The following TNFRSF13B variants were observed in gnomAD, a reference collection of about 807,000 sequenced individuals.
TNFRSF13B encodes the protein tumor necrosis factor receptor superfamily member 13B.
TNFRSF13B carries 34 observed loss-of-function variants against 24.0 expected under a neutral mutation model. The ratio of observed to expected loss-of-function variants is 1.41; its 90% CI spans 1.08 to 1.88. The LOEUF is 1.88. TNFRSF13B is among the 40% of genes most tolerant of loss of function. The probability of loss-of-function intolerance (pLI) is 0.00; values close to 1 mark genes in which losing one functional copy is unlikely to be tolerated. For synonymous variants in TNFRSF13B, 173 were observed against 150.3 expected (o/e 1.15, Z -1.10); for missense variants, 415 against 380.8 (o/e 1.09, Z -0.75).
intron 1 of TNFRSF13B, among the ~76,000 whole-genome samples, chr17:16,970,733 G>A (rs2087737918): frequency 6.6e-6 from 1 of 152,234 alleles, no homozygotes; most frequent in Admixed American, 6.5e-5. Flanking sequence ...CCAGGTCACA[G>A]TTCTAGCTGG....
chr17:16,945,244 T>C (rs2087539462), intron 3 of TNFRSF13B, among the ~76,000 whole-genome samples: 4 of 152,164 alleles, frequency 2.6e-5, no homozygotes, highest in Admixed American at 2.6e-4. Context: ...AGCCTTGGGC[T>C]CCATCCCTGG....
rs192224556 is a variant in TNFRSF13B at position 16,970,349 on chromosome 17, C to T, written c.61+1666G>A. On this transcript the variant is annotated intron_variant, in intron 1 of 4. Transcript: ENST00000261652. ...TGCAGGATGGAGACTCTCTCCTGCA[C>T]CCCGAGACCAGAGAGCAGCCAAGGA... Among the ~76,000 whole-genome samples the T allele has an allele frequency of 8.0e-3, 1,215 of 152,204 alleles. 21 individuals carry two copies. Among genetic ancestry groups the T allele is most frequent in the African/African-American group, 0.028 (1,174 of 41,436 alleles).
chr17:16,970,696 G>A (rs1266832856), intron 1 of TNFRSF13B, among the ~76,000 whole-genome samples: 2 of 152,162 alleles, frequency 1.3e-5, no homozygotes, highest in African/African-American at 2.4e-5. Context: ...GGGCTGATTC[G>A]GCAGCACCAG....
chr17:16,944,923 T>C (rs2087536762), intron 3 of TNFRSF13B, among the ~76,000 whole-genome samples: 1 of 152,118 alleles, frequency 6.6e-6, no homozygotes, highest in African/African-American at 2.4e-5. Flanking sequence ...TGTCCTCTGC[T>C]CTCTGCCCTT....
chr17:16,939,394 T>C lies in TNFRSF13B; in HGVS notation c.*153A>G. On this transcript the variant is annotated 3_prime_UTR_variant, in exon 5 of 5. Transcript: ENST00000261652. ...CTTCCCCTCTGTCTCTCTCTCCCTC[T>C]GTCTCTCTCTCCCTCTCTGTCTCCT... 9 of 902,522 alleles carry C rather than the reference T, an allele frequency of 1.0e-5. No homozygotes were observed. The highest frequency in any genetic ancestry group is 1.4e-5 in the Non-Finnish European group (9 of 624,118). 55.9% of individuals were successfully genotyped at this position (902,522 alleles called of 1,614,324 possible).
intron 1 of TNFRSF13B, among the ~76,000 whole-genome samples, chr17:16,956,923 T>G (rs1457745406): frequency 6.6e-6 from 1 of 152,154 alleles, no homozygotes; most frequent in Admixed American, 6.5e-5. Context: ...TGCAAGATAC[T>G]CCGATGGTGG....
At chr17:16,961,602 G>A (rs902294827) in intron 1 of TNFRSF13B, among the ~76,000 whole-genome samples, 40 of 152,088 alleles carry the variant, frequency 2.6e-4, no homozygotes, top group African/African-American at 9.7e-4. Context: ...TGATTAATGG[G>A]GTACAGAATT....
chr17:16,944,866 C>T (rs2087536350), intron 3 of TNFRSF13B, among the ~76,000 whole-genome samples: 1 of 152,142 alleles, frequency 6.6e-6, no homozygotes, highest in South Asian at 2.1e-4. Context: ...GGGCAGAGAA[C>T]AGGTGAGCCC....
intron 1 of TNFRSF13B, among the ~76,000 whole-genome samples, chr17:16,956,125 G>A (rs1491004050): frequency 3.3e-5 from 5 of 152,342 alleles, no homozygotes; most frequent in Non-Finnish European, 5.9e-5. Flanking sequence ...GTTGACTGCA[G>A]AGATAAAAGA....
At chr17:16,945,981 G>A (rs1269789317) in intron 3 of TNFRSF13B, among the ~76,000 whole-genome samples, 2 of 152,198 alleles carry the variant, frequency 1.3e-5, no homozygotes, top group African/African-American at 4.8e-5. Context: ...TGAGATGGAC[G>A]CACCTGGCCA....
At chr17:16,940,678 G>A (rs17793572) in intron 3 of TNFRSF13B, 167 bp from the exon 4 acceptor site, 368,264 of 1,474,302 alleles carry the variant, frequency 0.25, 47,772 homozygotes, top group Middle Eastern at 0.29. Context: ...CTGGATCCTG[G>A]AGGAAGTTGA....
chr17:16,939,707 G>C lies in TNFRSF13B; in HGVS notation c.722C>G (p.Thr241Arg). 6.2e-7 allele frequency: 1 copy of C among 1,606,984 alleles called. No individual in the cohort carries two copies. Among genetic ancestry groups the C allele is most frequent in the Non-Finnish European group, 8.5e-7 (1 of 1,175,050 alleles). Residue 241 changes from threonine (T) to arginine (R), a missense_variant, in exon 5 of 5, where the codon ACG becomes AGG. Transcript: ENST00000261652. ...CCCAGGCGTGACTGCGCTCTCCTGCGTGGGCGCCCTGCACTCAGGGAAGCA... is the reference window on the plus strand; with the variant it reads ...CCCAGGCGTGACTGCGCTCTCCTGCCTGGGCGCCCTGCACTCAGGGAAGCA... ...SFCFPECRAP[T>R]QESAVTPGTP...
intron 3 of TNFRSF13B, among the ~76,000 whole-genome samples, chr17:16,942,928 G>A (rs2087522069): frequency 6.6e-6 from 1 of 152,222 alleles, no homozygotes; most frequent in Non-Finnish European, 1.5e-5. Flanking sequence ...TGCCACTCCA[G>A]GCCTCTGCCT....
At position 16,971,864 on chromosome 17, in the gene TNFRSF13B, T is replaced by TG. The variant is rs1257069408; in HGVS notation, c.61+150dup. On this transcript the variant is annotated intron_variant, in intron 1 of 4. Transcript: ENST00000261652. ...AGGCATCCAGACTCGGGGCTCTCCA[T>TG]GTGCAGGAGCTTGGGGAGGCTGGGA... 9.1e-6 allele frequency: 7 copies of TG among 769,794 alleles called. No individual in the cohort carries two copies. The East Asian group carries it at 1.9e-4, about 20-fold the overall frequency. The allele number at this position is 769,794 out of a possible 1,614,324, so 47.7% of individuals were successfully genotyped here.
rs145002378 is a variant in TNFRSF13B at position 16,952,454 on chromosome 17, G to C, written c.191C>G (p.Ala64Gly). 11 of 1,613,942 alleles carry C rather than the reference G, an allele frequency of 6.8e-6. No individual in the cohort carries two copies. Among genetic ancestry groups the C allele is most frequent in the East Asian group, 2.2e-5 (1 of 44,902 alleles). ...CNHQSQRTCA[A>G]FCRSLSCRKE... ...CAGGCCCCAGAACTCACTGCAGAAG[G>C]CTGCACAGGTGCGCTGGCTCTGATG... Residue 64 changes from alanine (A) to glycine (G), a missense_variant, in exon 2 of 5, where the codon GCC becomes GGC. Coordinates refer to ENST00000261652, the MANE Select transcript of TNFRSF13B (RefSeq NM_012452.3).
intron 2 of TNFRSF13B, among the ~76,000 whole-genome samples, chr17:16,952,159 A>C (rs576138136): frequency 6.6e-6 from 1 of 152,278 alleles, no homozygotes; most frequent in East Asian, 1.9e-4. Context: ...CTGAGACCTG[A>C]AGGTTGAGTA....
chr17:16,940,540 C>T, intron 3 of TNFRSF13B, 29 bp from the exon 4 acceptor site: 1 of 1,607,926 alleles, frequency 6.2e-7, no homozygotes, highest in Non-Finnish European at 8.5e-7. Context: ...CCCCTCTCTG[C>T]AGTGCCTTCT....
intron 3 of TNFRSF13B, among the ~76,000 whole-genome samples, chr17:16,945,646 C>A (rs1171621172): frequency 2.0e-5 from 3 of 152,228 alleles, no homozygotes; most frequent in African/African-American, 7.2e-5. Flanking sequence ...GGTGGCCAGA[C>A]ACCAGGGCGG....
intron 3 of TNFRSF13B, among the ~76,000 whole-genome samples, chr17:16,942,306 C>A (rs2087516749): frequency 6.6e-6 from 1 of 152,228 alleles, no homozygotes; most frequent in African/African-American, 2.4e-5. Flanking sequence ...GTGCTCCAAG[C>A]CCGCGGGCCA....
Sources: allele counts gnomAD v4.1 joint callset (sites outside exome capture counted in the v4.1 genomes callset), GRCh38; gene constraint gnomAD v4.1.1; transcripts MANE v1.5; gene names NCBI Gene and HGNC (gene_info 2026-07-23, HGNC 2026-07-21).